CLEC16A: variants seen among roughly 807,000 people sequenced by gnomAD.
CLEC16A encodes the protein C-type lectin domain containing 16A.
CLEC16A carries 51 observed loss-of-function variants against 109.5 expected under a neutral mutation model. That is an observed-to-expected ratio of 0.47 (90% CI 0.37 to 0.59). CLEC16A has a LOEUF of 0.59. Ranked by LOEUF, CLEC16A falls within the 20% of genes least tolerant of loss-of-function variation. CLEC16A has a pLI of 0.00. For missense variants in CLEC16A, 1,339 were observed against 1,394.0 expected, an observed-to-expected ratio of 0.96 and a Z score of 0.63; for synonymous variants, 673 against 564.2, an observed-to-expected ratio of 1.19 and a Z score of -2.73.
At chr16:11,056,249 G>A (rs1455120441) in intron 18 of CLEC16A, among the ~76,000 whole-genome samples, 2 of 152,158 alleles carry the variant, frequency 1.3e-5, no homozygotes, top group Non-Finnish European at 2.9e-5. Flanking sequence ...GAGCTTGAGC[G>A]AGCCACTCAC....
chr16:11,046,232 C>T (rs1230855835), intron 16 of CLEC16A, among the ~76,000 whole-genome samples: 3 of 152,136 alleles, frequency 2.0e-5, no homozygotes, highest in African/African-American at 7.2e-5. Context: ...TTATTATTAA[C>T]AAAAGGAGAG....
rs59658260 is a variant in CLEC16A, at chr16:10,959,014, G to GGTGTGTGTGTGTGT, written c.209+1129_209+1142dup. ...TGGGTTATGACAACCACTAAACACG[G>GGTGTGTGTGTGTGT]GTGTGTGTGTGTGTGTGTGTGTGTG... On this transcript the variant is annotated intron_variant, in intron 2 of 23. Coordinates refer to ENST00000409790, the MANE Select transcript of CLEC16A (RefSeq NM_015226.3). Among the ~76,000 whole-genome samples the GGTGTGTGTGTGTGT allele has an allele frequency of 2.4e-3, 351 of 146,292 alleles. 4 individuals carry two copies. The highest frequency in any genetic ancestry group is 8.1e-3 in the African/African-American group (321 of 39,602).
chr16:11,104,727 GTCC>G, intron 19 of CLEC16A, among the ~76,000 whole-genome samples: 1 of 152,176 alleles, frequency 6.6e-6, no homozygotes, highest in Admixed American at 6.5e-5. Context: ...AAGTAGGGGT[GTCC>G]TCATTTTTCA....
At chr16:10,967,712 A>G (rs1190763789) in intron 3 of CLEC16A, among the ~76,000 whole-genome samples, 1 of 152,054 alleles carries the variant, frequency 6.6e-6, no homozygotes, top group Admixed American at 6.5e-5. Flanking sequence ...TCTTACCACT[A>G]CTTCATGAGG....
intron 13 of CLEC16A, among the ~76,000 whole-genome samples, chr16:11,030,292 C>T (rs2046664601): frequency 6.6e-6 from 1 of 152,124 alleles, no homozygotes; most frequent in Non-Finnish European, 1.5e-5. Flanking sequence ...ATCATATTTC[C>T]CATATAATTA....
At chr16:10,994,248 G>T (rs971599763) in intron 10 of CLEC16A, among the ~76,000 whole-genome samples, 1 of 152,156 alleles carries the variant, frequency 6.6e-6, no homozygotes, top group African/African-American at 2.4e-5. Context: ...TTACATTTCG[G>T]CAGTGCCGTC....
intron 22 of CLEC16A, among the ~76,000 whole-genome samples, chr16:11,149,459 T>C (rs373692635): frequency 3.3e-5 from 5 of 151,986 alleles, no homozygotes; most frequent in African/African-American, 1.2e-4. Flanking sequence ...TCTCTTTCTC[T>C]CATTTAAAAA....
intron 19 of CLEC16A, among the ~76,000 whole-genome samples, chr16:11,095,358 G>C (rs141010115): frequency 2.6e-4 from 40 of 152,262 alleles, no homozygotes; most frequent in African/African-American, 9.4e-4. Flanking sequence ...GACTCTGGGT[G>C]CAGGGCTCCC....
chr16:11,012,946 G>C (rs1230847501), intron 11 of CLEC16A, among the ~76,000 whole-genome samples: 15 of 152,036 alleles, frequency 9.9e-5, no homozygotes, highest in Non-Finnish European at 1.8e-4. Context: ...CCAGTGCCTG[G>C]GTACTTCAGG....
At chr16:11,070,369 C>A (rs2049003988) in intron 19 of CLEC16A, among the ~76,000 whole-genome samples, 1 of 142,578 alleles carries the variant, frequency 7.0e-6, no homozygotes, top group Admixed American at 7.1e-5. Flanking sequence ...TGCACCCGGC[C>A]TTTTTTTTTT....
At chr16:11,039,998 T>C in intron 14 of CLEC16A, 122 bp downstream of exon 14, 1 of 1,226,510 alleles carries the variant, frequency 8.2e-7, no homozygotes, top group Non-Finnish European at 1.1e-6. Context: ...CATCCCAACC[T>C]CTCCCTCTGC....
At chr16:10,971,400 G>A (rs1040147348) in intron 5 of CLEC16A, 170 bp downstream of exon 5, 5 of 401,184 alleles carry the variant, frequency 1.2e-5, no homozygotes, top group African/African-American at 2.2e-5. Flanking sequence ...TTAGCTGGCC[G>A]CTCATGGAAA....
At chr16:10,997,335 T>C (rs1036071929) in intron 10 of CLEC16A, among the ~76,000 whole-genome samples, 4 of 152,362 alleles carry the variant, frequency 2.6e-5, no homozygotes, top group African/African-American at 9.6e-5. Flanking sequence ...TTAGATGTAC[T>C]GCTTGATGAT....
At chr16:11,169,676 C>G (rs2068423358) in intron 23 of CLEC16A, among the ~76,000 whole-genome samples, 1 of 152,222 alleles carries the variant, frequency 6.6e-6, no homozygotes, top group Non-Finnish European at 1.5e-5. Context: ...GCCCAGTTTT[C>G]CATAGCTCTA....
intron 22 of CLEC16A, among the ~76,000 whole-genome samples, chr16:11,129,977 T>G (rs1249918529): frequency 1.3e-5 from 2 of 152,160 alleles, no homozygotes; most frequent in Non-Finnish European, 2.9e-5. Context: ...TTAGCCAGGA[T>G]GGTCTCGATC....
intron 19 of CLEC16A, among the ~76,000 whole-genome samples, chr16:11,102,601 A>T (rs1373887388): frequency 6.6e-6 from 1 of 152,034 alleles, no homozygotes; most frequent in African/African-American, 2.4e-5. Context: ...GTTTAGTCCC[A>T]ACCGCTTCAT....
chr16:11,157,847 C>T (rs2054590497), intron 22 of CLEC16A, among the ~76,000 whole-genome samples: 1 of 152,100 alleles, frequency 6.6e-6, no homozygotes. Context: ...TAGGGTAGCC[C>T]CCCACTGAGT....
chr16:10,977,158 C>A, intron 7 of CLEC16A, 67 bp from the exon 8 acceptor site: 2 of 1,454,726 alleles, frequency 1.4e-6, no homozygotes, highest in Non-Finnish European at 1.9e-6. Flanking sequence ...AGTCTCAGGC[C>A]ATTGATGTTA....
chr16:11,008,254 G>T (rs929956190), intron 11 of CLEC16A, among the ~76,000 whole-genome samples: 2 of 152,012 alleles, frequency 1.3e-5, no homozygotes, highest in African/African-American at 2.4e-5. Context: ...TGCTGTGATC[G>T]CTGGAATATG....
Sources: gnomAD v4.1 joint callset for allele counts (sites outside exome capture counted in the v4.1 genomes callset) on GRCh38, gnomAD v4.1.1 for gene constraint, MANE v1.5 for transcripts, NCBI Gene and HGNC (gene_info 2026-07-23, HGNC 2026-07-21) for gene names.